TENM3: variants seen among roughly 807,000 people sequenced by gnomAD.
The protein encoded by TENM3 is teneurin transmembrane protein 3.
TENM3 carries 63 observed loss-of-function variants against 255.1 expected under a neutral mutation model. The observed-to-expected ratio is 0.25, with a 90% confidence interval of 0.20 to 0.30. TENM3 has a LOEUF of 0.30. TENM3 is among the 10% of genes least tolerant of loss of function. The pLI is 1.00. For missense variants in TENM3, 2,929 were observed against 3,461.1 expected (o/e 0.85, Z 3.86); for synonymous variants, 1,306 against 1,322.3 (o/e 0.99, Z 0.27).
At chr4:181,917,010 G>A in the TENM3 span, among the ~76,000 whole-genome samples, 1 of 152,068 alleles carries the variant, frequency 6.6e-6, no homozygotes, top group African/African-American at 2.4e-5. Context: ...TGATTTTAAA[G>A]AAATCCTTTC....
chr4:181,714,265 A>G, the TENM3 span, among the ~76,000 whole-genome samples: 3 of 151,954 alleles, frequency 2.0e-5, no homozygotes, highest in Non-Finnish European at 4.4e-5. Flanking sequence ...GTAGGACCTC[A>G]TATGTACAAA....
the TENM3 span, among the ~76,000 whole-genome samples, chr4:181,493,435 G>A: frequency 6.6e-6 from 1 of 151,978 alleles, no homozygotes; most frequent in African/African-American, 2.4e-5. Context: ...AGTGGTTTAA[G>A]GTTATAGAGG....
At chr4:181,500,488 G>A in the TENM3 span, among the ~76,000 whole-genome samples, 1 of 152,158 alleles carries the variant, frequency 6.6e-6, no homozygotes, top group Non-Finnish European at 1.5e-5. Context: ...TGCAAATCTG[G>A]AGAGGTTAGT....
At chr4:182,508,059 G>A (rs1737018680) in intron 3 of TENM3, among the ~76,000 whole-genome samples, 1 of 152,170 alleles carries the variant, frequency 6.6e-6, no homozygotes. Flanking sequence ...AACTAACTGG[G>A]TGGACTGAAA....
intron 3 of TENM3, among the ~76,000 whole-genome samples, chr4:182,550,112 A>G (rs560529823): frequency 6.6e-6 from 1 of 152,224 alleles, no homozygotes; most frequent in Non-Finnish European, 1.5e-5. Context: ...ATTAACCAAG[A>G]TGACCATAAA....
the TENM3 span, among the ~76,000 whole-genome samples, chr4:181,712,879 GACTTC>G: frequency 6.6e-6 from 1 of 152,100 alleles, no homozygotes; most frequent in Non-Finnish European, 1.5e-5. Flanking sequence ...TTAAAAAGAG[GACTTC>G]TTTTCTAATG....
intron 1 of TENM3, among the ~76,000 whole-genome samples, chr4:182,237,877 T>C (rs2150048269): frequency 6.6e-6 from 1 of 152,328 alleles, no homozygotes; most frequent in East Asian, 1.9e-4. Flanking sequence ...TTAGGATACA[T>C]ATAAGAGATT....
At chr4:181,551,838 ATGTGTGTGTGTGTGTGTGTGTGTGTG>A in the TENM3 span, among the ~76,000 whole-genome samples, 147 of 138,970 alleles carry the variant, frequency 1.1e-3, 1 homozygote, top group East Asian at 3.5e-3. Context: ...ATATATGTAT[ATGTGTGTGTGTGTGTGTGTGTGTGTG>A]TGTGTGTGTG....
the TENM3 span, among the ~76,000 whole-genome samples, chr4:181,725,595 C>T: frequency 3.3e-5 from 5 of 152,008 alleles, no homozygotes; most frequent in East Asian, 7.8e-4. Flanking sequence ...CCCACCACCA[C>T]ACCCAGCTAT....
the TENM3 span, among the ~76,000 whole-genome samples, chr4:181,922,648 G>T: frequency 6.6e-6 from 1 of 151,936 alleles, no homozygotes; most frequent in African/African-American, 2.4e-5. Flanking sequence ...AGTCTTGCTA[G>T]CAGTCTATCA....
intron 5 of TENM3, among the ~76,000 whole-genome samples, chr4:182,642,624 G>A (rs1752412819): frequency 1.3e-5 from 2 of 152,092 alleles, no homozygotes; most frequent in Non-Finnish European, 1.5e-5. Flanking sequence ...GGATGGAAAG[G>A]AAAAACAGCA....
chr4:182,626,135 A>G (rs115668789), intron 4 of TENM3, among the ~76,000 whole-genome samples: 5,004 of 152,274 alleles, frequency 0.033, 180 homozygotes, highest in Non-Finnish European at 0.046. Flanking sequence ...GAGTTCAGTG[A>G]TATCGCTGGA....
the TENM3 span, among the ~76,000 whole-genome samples, chr4:182,002,629 T>C: frequency 6.6e-6 from 1 of 152,126 alleles, no homozygotes; most frequent in Non-Finnish European, 1.5e-5. Context: ...CTTAACTTTG[T>C]GTCTGCTATT....
chr4:181,851,192 T>C, the TENM3 span, among the ~76,000 whole-genome samples: 1 of 152,198 alleles, frequency 6.6e-6, no homozygotes, highest in African/African-American at 2.4e-5. Flanking sequence ...GAGAATACTT[T>C]TACAAACTAT....
chr4:182,470,424 A>G (rs1005474027), intron 3 of TENM3, among the ~76,000 whole-genome samples: 1 of 152,208 alleles, frequency 6.6e-6, no homozygotes, highest in African/African-American at 2.4e-5. Context: ...TCTCAATTCT[A>G]GTTCTGAATG....
upstream of TENM3, chr4:182,141,619 GTATTAA>G (rs1749438285): frequency 6.6e-6 from 1 of 152,212 alleles, no homozygotes; most frequent in Non-Finnish European, 1.5e-5. Flanking sequence ...GCGCAGGGCC[GTATTAA>G]TGAGTTCTAG....
At chr4:182,664,471 C>CA (rs1275606777) in intron 6 of TENM3, among the ~76,000 whole-genome samples, 3 of 152,206 alleles carry the variant, frequency 2.0e-5, no homozygotes, top group Non-Finnish European at 4.4e-5. Flanking sequence ...GAAATTAGGC[C>CA]AATCAATAAC....
At chr4:181,889,352 C>T in the TENM3 span, among the ~76,000 whole-genome samples, 2 of 152,258 alleles carry the variant, frequency 1.3e-5, no homozygotes, top group East Asian at 3.9e-4. Flanking sequence ...TTCCCTTCTG[C>T]TATGATTAGA....
chr4:182,199,193 G>T (rs925123090), intron 1 of TENM3, among the ~76,000 whole-genome samples: 1 of 152,156 alleles, frequency 6.6e-6, no homozygotes, highest in Admixed American at 6.5e-5. Flanking sequence ...GCCGGGCACG[G>T]TGGCTCACTC....
Sources: gnomAD v4.1 joint callset for allele counts (sites outside exome capture counted in the v4.1 genomes callset) on GRCh38, gnomAD v4.1.1 for gene constraint, MANE v1.5 for transcripts, NCBI Gene and HGNC (gene_info 2026-07-23, HGNC 2026-07-21) for gene names.